Variants in DPP10 observed in about 807,000 individuals in gnomAD.
DPP10 encodes the protein inactive dipeptidyl peptidase 10.
In DPP10, 33 loss-of-function variants were observed where a neutral mutation model predicts 120.9. The observed-to-expected ratio is 0.27, with a 90% CI of 0.21 to 0.37. The LOEUF (loss-of-function observed/expected upper bound fraction) is 0.37, where lower values mean the gene tolerates loss of function less well. Among genes scored for constraint, DPP10 ranks in the 10% least tolerant of loss-of-function variants. The pLI, the probability that DPP10 is intolerant of heterozygous loss-of-function variation, is 1.00. For missense variants in DPP10, 816 were observed against 942.8 expected, an observed-to-expected ratio of 0.87 and a Z score of 1.76; for synonymous variants, 337 against 326.1, an observed-to-expected ratio of 1.03 and a Z score of -0.36.
chr2:114,538,207 C>A (rs1057257838), intron 1 of DPP10, among the ~76,000 whole-genome samples: 1 of 152,186 alleles, frequency 6.6e-6, no homozygotes, highest in Non-Finnish European at 1.5e-5. Context: ...GTTCTTTGGA[C>A]GGTGTGTCTA....
At chr2:114,833,462 T>A (rs373194615) in intron 1 of DPP10, 1 of 152,140 alleles carries the variant, frequency 6.6e-6, no homozygotes, top group Non-Finnish European at 1.5e-5. Flanking sequence ...TATTTAGCCA[T>A]CAGACCAAAA....
At chr2:114,451,558 A>ATG (rs1275693342) in intron 1 of DPP10, among the ~76,000 whole-genome samples, 2 of 152,108 alleles carry the variant, frequency 1.3e-5, no homozygotes, top group East Asian at 3.8e-4. Flanking sequence ...AACAGAGAAA[A>ATG]TGTGCAAAGA....
chr2:114,530,977 G>A (rs929519856), intron 1 of DPP10, among the ~76,000 whole-genome samples: 1 of 151,894 alleles, frequency 6.6e-6, no homozygotes, highest in African/African-American at 2.4e-5. Context: ...AAAAAAACAT[G>A]ACTTAATTAA....
Position 115,768,506 on chromosome 2 carries a change from C to G in DPP10, c.1221+102C>G. 4 of 954,336 alleles carry G rather than the reference C, an allele frequency of 4.2e-6. No homozygotes were observed. The South Asian group carries it at 6.4e-5, about 15-fold the overall frequency. The allele number at this position is 954,336 out of a possible 1,614,324, so 59.1% of individuals were successfully genotyped here. A position where few individuals can be genotyped will look rare whatever the true frequency, so the allele number is the denominator to read the frequency against. On this transcript the variant is annotated intron_variant, in intron 13 of 25. Coordinates refer to ENST00000410059, the MANE Select transcript of DPP10 (RefSeq NM_020868.6). The stretch of plus-strand genomic sequence containing the variant: ...AACCTCTAGTTCATGGTGGTGAAAC[C>G]CAGCCATATATACAACTCACAGACA...
intron 5 of DPP10, among the ~76,000 whole-genome samples, chr2:115,538,624 C>T (rs985873589): frequency 2.0e-5 from 3 of 151,870 alleles, no homozygotes; most frequent in Admixed American, 1.3e-4. Context: ...ATCTGGCTCC[C>T]AAAATGTAGC....
intron 1 of DPP10, among the ~76,000 whole-genome samples, chr2:115,284,202 A>G (rs1016031322): frequency 1.3e-5 from 2 of 152,088 alleles, no homozygotes; most frequent in Non-Finnish European, 2.9e-5. Flanking sequence ...AACACAGTGT[A>G]GTTTTATGAA....
At chr2:114,551,173 A>G (rs1687856335) in intron 1 of DPP10, among the ~76,000 whole-genome samples, 1 of 152,066 alleles carries the variant, frequency 6.6e-6, no homozygotes, top group Non-Finnish European at 1.5e-5. Context: ...TTCTACCATC[A>G]CAATTATAAA....
rs1694492385 is a variant in DPP10, at chr2:114,913,013, A to G, written c.61-396226A>G. Among the ~76,000 whole-genome samples, 5 of 152,296 alleles carry G rather than the reference A, an allele frequency of 3.3e-5. 1 individual carries two copies. In the South Asian group the frequency reaches 1.0e-3, roughly 32 times the overall value. On this transcript the variant is annotated intron_variant, in intron 1 of 25. Coordinates refer to ENST00000410059, the MANE Select transcript of DPP10 (RefSeq NM_020868.6). Reference sequence around the variant, plus strand: ...TGGACAGAACAGTGCTATCTTGTCCATGGGATGTGGCCAATATGATATGAG... The same window carrying G: ...TGGACAGAACAGTGCTATCTTGTCCGTGGGATGTGGCCAATATGATATGAG...
intron 1 of DPP10, among the ~76,000 whole-genome samples, chr2:115,092,098 G>T (rs1709313336): frequency 6.6e-6 from 1 of 152,186 alleles, no homozygotes; most frequent in South Asian, 2.1e-4. Flanking sequence ...CTTAAGTAAA[G>T]AATTTTTAAA....
intron 1 of DPP10, among the ~76,000 whole-genome samples, chr2:115,072,608 T>C (rs77130043): frequency 0.16 from 24,644 of 152,004 alleles, 2,229 homozygotes; most frequent in African/African-American, 0.27. Flanking sequence ...GACACCCACA[T>C]GTGTGCCTAC....
At chr2:115,781,871 C>T (rs756170793) in intron 16 of DPP10, among the ~76,000 whole-genome samples, 7 of 151,910 alleles carry the variant, frequency 4.6e-5, no homozygotes, top group Non-Finnish European at 7.4e-5. Context: ...TTATGGTTAA[C>T]GTATTTTTAA....
chr2:115,491,431 G>A (rs2076116563), intron 3 of DPP10, among the ~76,000 whole-genome samples: 1 of 152,126 alleles, frequency 6.6e-6, no homozygotes, highest in South Asian at 2.1e-4. Context: ...TTTGTCAGGA[G>A]CCCTTTCTCT....
intron 2 of DPP10, among the ~76,000 whole-genome samples, chr2:115,334,394 C>A (rs1327924413): frequency 6.6e-6 from 1 of 151,014 alleles, no homozygotes; most frequent in Non-Finnish European, 1.5e-5. Flanking sequence ...TTGACTTTTC[C>A]TTTTTGGCTT....
intron 3 of DPP10, among the ~76,000 whole-genome samples, chr2:115,346,083 A>G (rs113925080): frequency 2.6e-4 from 40 of 152,318 alleles, no homozygotes; most frequent in African/African-American, 9.4e-4. Context: ...AATTGTGTGC[A>G]CTGAGTTACT....
chr2:115,501,076 G>A (rs13004522), intron 4 of DPP10, among the ~76,000 whole-genome samples: 32,164 of 151,774 alleles, frequency 0.21, 3,913 homozygotes, highest in East Asian at 0.39. Context: ...CAAAAATTGA[G>A]TGCATTTTAA....
intron 4 of DPP10, among the ~76,000 whole-genome samples, chr2:115,500,142 A>T (rs2076608865): frequency 6.6e-6 from 1 of 151,876 alleles, no homozygotes; most frequent in South Asian, 2.1e-4. Flanking sequence ...GTTTGTATTT[A>T]TATTGGTCTT....
At chr2:114,928,029 C>G (rs1157071098) in intron 1 of DPP10, among the ~76,000 whole-genome samples, 2 of 152,174 alleles carry the variant, frequency 1.3e-5, no homozygotes, top group African/African-American at 4.8e-5. Flanking sequence ...GGATCCACCT[C>G]CATGACCCAA....
intron 2 of DPP10, among the ~76,000 whole-genome samples, chr2:115,341,242 T>C (rs987389693): frequency 1.3e-5 from 2 of 152,138 alleles, no homozygotes; most frequent in East Asian, 3.9e-4. Flanking sequence ...AAACATGTAA[T>C]ACCCAGGGTT....
intron 3 of DPP10, among the ~76,000 whole-genome samples, chr2:115,419,595 T>C (rs910916592): frequency 6.6e-6 from 1 of 152,238 alleles, no homozygotes; most frequent in Non-Finnish European, 1.5e-5. Flanking sequence ...CATTTCAACA[T>C]GAGACTTGGA....
Sources: gnomAD v4.1 joint callset for allele counts (sites outside exome capture counted in the v4.1 genomes callset) on GRCh38, gnomAD v4.1.1 for gene constraint, MANE v1.5 for transcripts, NCBI Gene and HGNC (gene_info 2026-07-23, HGNC 2026-07-21) for gene names.